Variants in PLS1 observed in about 807,000 individuals in gnomAD.
PLS1 encodes the protein plastin-1.
PLS1 carries 32 observed loss-of-function variants against 73.7 expected under a neutral mutation model. The ratio of observed to expected loss-of-function variants is 0.43; its 90% CI spans 0.33 to 0.58. The LOEUF (loss-of-function observed/expected upper bound fraction) is 0.58, where lower values mean the gene tolerates loss of function less well. PLS1 is among the 20% of genes least tolerant of loss of function. The pLI, the probability that PLS1 is intolerant of heterozygous loss-of-function variation, is 0.04. For synonymous variants in PLS1, 217 were observed against 261.3 expected, an observed-to-expected ratio of 0.83 and a Z score of 1.63; for missense variants, 633 against 740.5, an observed-to-expected ratio of 0.85 and a Z score of 1.68.
At chr3:142,610,975 T>C (rs1273326783) in intron 1 of PLS1, among the ~76,000 whole-genome samples, 1 of 152,180 alleles carries the variant, frequency 6.6e-6, no homozygotes, top group Non-Finnish European at 1.5e-5. Flanking sequence ...AAGTAATAAA[T>C]ATTTTAGGCT....
intron 1 of PLS1, among the ~76,000 whole-genome samples, chr3:142,599,078 C>G (rs28544410): frequency 1.1e-4 from 16 of 151,730 alleles, no homozygotes; most frequent in Middle Eastern, 3.2e-3. Context: ...ATTTCCCGTT[C>G]TAGATGATAA....
chr3:142,694,500 C>G lies in PLS1; in HGVS notation c.1209C>G (p.Asn403Lys), dbSNP rs1303282788. ...GCAAGGAAGAGAGAACATTTCGGAA[C>G]TGGATGAATTCCTTGGGAGTCAACC... Reference protein sequence around the residue: ...GESKEERTFRNWMNSLGVNPY... With the variant: ...GESKEERTFRKWMNSLGVNPY... The change falls in exon 11 of 16, where the codon AAC (asparagine) becomes AAG (lysine). Residue 403 changes from asparagine (N) to lysine (K), a missense_variant. By Grantham distance (94) the Asn-to-Lys change is moderately conservative. Transcript: ENST00000457734. 6.2e-7 allele frequency: 1 copy of G among 1,605,650 alleles called. No homozygotes were observed. Among genetic ancestry groups the G allele is most frequent in the Non-Finnish European group, 8.5e-7 (1 of 1,172,538 alleles).
chr3:142,686,857 T>G (rs1233649059), intron 9 of PLS1, among the ~76,000 whole-genome samples: 1 of 152,242 alleles, frequency 6.6e-6, no homozygotes, highest in East Asian at 1.9e-4. Flanking sequence ...CCTACATTCA[T>G]GTTTCCCTGG....
chr3:142,694,426 C>T, intron 10 of PLS1, 43 bp from the exon 11 acceptor site: 1 of 1,225,986 alleles, frequency 8.2e-7, no homozygotes, highest in Non-Finnish European at 1.2e-6. Context: ...GTTCCTGGTT[C>T]CTTTTGTCCT....
chr3:142,689,672 G>A lies in PLS1; in HGVS notation c.1036G>A (p.Gly346Ser), dbSNP rs892574837. 6.2e-7 allele frequency: 1 copy of A among 1,610,948 alleles called. No homozygotes were observed. The highest frequency in any genetic ancestry group is 8.5e-7 in the Non-Finnish European group (1 of 1,178,610). Reference sequence around the variant, plus strand: ...CATGCTTCAAGAAGCAGATAAACTGGGCTGCAAACAGTTTGTTACTCCTGC... The same window carrying A: ...CATGCTTCAAGAAGCAGATAAACTGAGCTGCAAACAGTTTGTTACTCCTGC... ...GLMLQEADKL[G>S]CKQFVTPADV... The change falls in exon 10 of 16, where the codon GGC becomes AGC. Residue 346 changes from glycine (G) to serine (S), a missense_variant. Transcript: ENST00000457734.
intron 4 of PLS1, among the ~76,000 whole-genome samples, chr3:142,675,756 A>G (rs1577876135): frequency 6.6e-6 from 1 of 150,588 alleles, no homozygotes; most frequent in African/African-American, 2.5e-5. Context: ...ACTCACTGCA[A>G]CCTCCACCCC....
intron 2 of PLS1, among the ~76,000 whole-genome samples, chr3:142,665,765 T>G (rs2037468529): frequency 6.6e-6 from 1 of 152,078 alleles, no homozygotes; most frequent in Non-Finnish European, 1.5e-5. Flanking sequence ...AATATTTATT[T>G]AATGATATAT....
intron 1 of PLS1, among the ~76,000 whole-genome samples, chr3:142,598,948 C>G (rs1222132823): frequency 1.3e-5 from 2 of 151,598 alleles, no homozygotes; most frequent in African/African-American, 4.9e-5. Context: ...TTGCAGTGAG[C>G]CAAGATTGTG....
At chr3:142,666,802 A>G (rs997405882) in intron 2 of PLS1, among the ~76,000 whole-genome samples, 10 of 152,250 alleles carry the variant, frequency 6.6e-5, no homozygotes, top group African/African-American at 2.4e-4. Context: ...ATCCTCACCA[A>G]CACTTGTTTT....
At position 142,713,214 on chromosome 3, in the gene PLS1, T is replaced by C. The variant is rs1292885139; in HGVS notation, c.*1207T>C. 1 of 152,664 alleles carries C rather than the reference T, an allele frequency of 6.6e-6. No individual in the cohort carries two copies. The highest frequency in any genetic ancestry group is 1.5e-5 in the Non-Finnish European group (1 of 68,016). 9.5% of individuals were successfully genotyped at this position (152,664 alleles called of 1,614,324 possible). A position where few individuals can be genotyped will look rare whatever the true frequency, so the allele number is the denominator to read the frequency against. On this transcript the variant is annotated 3_prime_UTR_variant, in exon 16 of 16. Coordinates refer to ENST00000457734, the MANE Select transcript of PLS1 (RefSeq NM_001145319.2). ...TAAATTTTTAGCATTAGTCCATTTC[T>C]GCTGCTAACAATTGAATCCAGAAAT...
At chr3:142,685,373 A>G (rs568549549) in intron 8 of PLS1, among the ~76,000 whole-genome samples, 14 of 152,364 alleles carry the variant, frequency 9.2e-5, no homozygotes, top group African/African-American at 3.4e-4. Flanking sequence ...ATCTATTGCT[A>G]TATAGCAAAT....
At chr3:142,640,224 T>C (rs1029327470) in intron 1 of PLS1, among the ~76,000 whole-genome samples, 1 of 152,182 alleles carries the variant, frequency 6.6e-6, no homozygotes, top group Non-Finnish European at 1.5e-5. Context: ...TCTCTGAAGG[T>C]ATGGGAGAAA....
chr3:142,645,885 C>T (rs570666344), intron 1 of PLS1, among the ~76,000 whole-genome samples: 1 of 152,304 alleles, frequency 6.6e-6, no homozygotes, highest in African/African-American at 2.4e-5. Context: ...ATTCTGCCCA[C>T]ACTTCACCCT....
At chr3:142,677,780 A>G (rs944693622) in intron 5 of PLS1, among the ~76,000 whole-genome samples, 10 of 152,170 alleles carry the variant, frequency 6.6e-5, no homozygotes, top group Non-Finnish European at 1.3e-4. Context: ...CATGAATTAT[A>G]GTTTAATTAA....
intron 1 of PLS1, among the ~76,000 whole-genome samples, chr3:142,624,073 A>G (rs138836323): frequency 6.6e-6 from 1 of 152,264 alleles, no homozygotes; most frequent in Non-Finnish European, 1.5e-5. Flanking sequence ...TTTTCTAGAG[A>G]AATTTCACAG....
chr3:142,644,048 G>A (rs768148233), intron 1 of PLS1, among the ~76,000 whole-genome samples: 2 of 151,782 alleles, frequency 1.3e-5, no homozygotes, highest in Non-Finnish European at 2.9e-5. Flanking sequence ...GGCTGGTCTC[G>A]AACTCCTGAC....
At chr3:142,668,653 G>A (rs969814012) in intron 2 of PLS1, among the ~76,000 whole-genome samples, 1 of 151,060 alleles carries the variant, frequency 6.6e-6, no homozygotes. Flanking sequence ...CCAGGGTGGA[G>A]TACAGTGGCG....
At chr3:142,657,447 G>C (rs1339003706) in intron 1 of PLS1, among the ~76,000 whole-genome samples, 1 of 152,184 alleles carries the variant, frequency 6.6e-6, no homozygotes, top group East Asian at 1.9e-4. Context: ...TGCTGCCAGA[G>C]TCCCTCAGAT....
At chr3:142,616,220 G>C (rs566311890) in intron 1 of PLS1, among the ~76,000 whole-genome samples, 1 of 152,296 alleles carries the variant, frequency 6.6e-6, no homozygotes, top group South Asian at 2.1e-4. Context: ...CTGTAGTCTG[G>C]AAGATGATAG....
Sources: allele counts gnomAD v4.1 joint callset (sites outside exome capture counted in the v4.1 genomes callset), GRCh38; gene constraint gnomAD v4.1.1; transcripts MANE v1.5; gene names NCBI Gene and HGNC (gene_info 2026-07-23, HGNC 2026-07-21).